Variants in BCORL1 observed in about 807,000 individuals in gnomAD.
The protein encoded by BCORL1 is BCL6 corepressor like 1.
A neutral mutation model predicts 87.6 loss-of-function variants in BCORL1; 7 were observed. That is an observed-to-expected ratio of 0.08 (90% CI 0.05 to 0.15). The LOEUF (loss-of-function observed/expected upper bound fraction) is 0.15. BCORL1 is among the 10% of genes least tolerant of loss of function. BCORL1 has a pLI of 1.00. For missense variants in BCORL1, 1,215 were observed against 1,499.7 expected (o/e 0.81, Z 3.13); for synonymous variants, 591 against 634.4 (o/e 0.93, Z 1.03).
At chrX:130,022,236 CTTTTTTTTTT>C (rs34598574) in intron 5 of BCORL1, among the ~76,000 whole-genome samples, 7 of 56,311 alleles carry the variant, frequency 1.2e-4, no homozygotes, top group Admixed American at 5.2e-4. Context: ...TTCTTTCTTT[CTTTTTTTTTT>C]TTTTTTTTTT....
Position 130,014,362 on chromosome X carries a change from C to T in BCORL1, c.1590C>T (p.Ser530=), listed in dbSNP as rs1433401860. 5 of 1,209,568 alleles carry T rather than the reference C, an allele frequency of 4.1e-6. No homozygotes were observed. Among genetic ancestry groups the T allele is most frequent in the Non-Finnish European group, 5.6e-6 (5 of 895,093 alleles). ...SLEVNRLPCT[S]PSGSTTTQPA... is the part of the protein sequence containing the mutation. The stretch of plus-strand genomic sequence containing the variant: ...AGGTGAACAGGCTCCCCTGCACTTC[C>T]CCATCCGGTAGCACCACCACCCAGC... The change falls in exon 4 of 14, where the codon TCC becomes TCT. Residue 530 remains serine, a synonymous_variant. Transcript: ENST00000540052.
chrX:130,007,868 G>A (rs921674421), intron 2 of BCORL1, among the ~76,000 whole-genome samples: 16 of 112,412 alleles, frequency 1.4e-4, no homozygotes, highest in African/African-American at 4.8e-4. Flanking sequence ...ACCATCTACT[G>A]TAAATCCCTG....
chrX:130,048,865 A>G, intron 11 of BCORL1, among the ~76,000 whole-genome samples: 1 of 112,113 alleles, frequency 8.9e-6, no homozygotes, highest in South Asian at 3.7e-4. Flanking sequence ...TTCTGTCTCT[A>G]TGGGCTTGCC....
At chrX:129,987,564 A>C (rs1171587925) in intron 1 of BCORL1, among the ~76,000 whole-genome samples, 2 of 112,000 alleles carry the variant, frequency 1.8e-5, no homozygotes, top group African/African-American at 6.5e-5. Context: ...CCTTGAAAGA[A>C]GGAAAAAGTG....
chrX:130,043,914 C>T (rs750230192), intron 11 of BCORL1, among the ~76,000 whole-genome samples: 41 of 101,277 alleles, frequency 4.0e-4, no homozygotes, highest in Middle Eastern at 5.0e-3. Flanking sequence ...GGACTACAGT[C>T]GCCCGCCACC....
rs1260035677 is a variant in BCORL1, at chrX:130,015,996, C to T, written c.3224C>T (p.Pro1075Leu). 8.3e-6 allele frequency: 10 copies of T among 1,211,698 alleles called. No homozygotes were observed. The highest frequency in any genetic ancestry group is 1.0e-5 in the Non-Finnish European group (9 of 895,506). The change falls in exon 4 of 14, where the codon CCC becomes CTC. Residue 1075 changes from proline (P) to leucine (L), a missense_variant. Physicochemically the swap from Pro to Leu is moderately conservative, Grantham distance 98 (BLOSUM62 -3). Around this residue, in one of 5 missense-constraint regions of BCORL1, gnomAD observed 861 missense variants for 1,010.0 expected, o/e 0.85. Transcript: ENST00000540052. ...CGGGCTGATGGCCTCCCAGTGGCTCCCCAGAGGGGCCAAGCTGAAGTTCGG... is the reference window on the plus strand; with the variant it reads ...CGGGCTGATGGCCTCCCAGTGGCTCTCCAGAGGGGCCAAGCTGAAGTTCGG... ...CFRADGLPVA[P>L]QRGQAEVRAK... is the part of the protein sequence containing the mutation.
intron 11 of BCORL1, among the ~76,000 whole-genome samples, chrX:130,049,435 C>G (rs1433583936): frequency 8.9e-6 from 1 of 112,365 alleles, no homozygotes; most frequent in African/African-American, 3.2e-5. Flanking sequence ...TGGCTCACTG[C>G]AACCTCTGCC....
intron 8 of BCORL1, among the ~76,000 whole-genome samples, chrX:130,029,761 G>A (rs1202550029): frequency 9.2e-6 from 1 of 108,405 alleles, no homozygotes; most frequent in Non-Finnish European, 1.9e-5. Flanking sequence ...AGCGATTCTC[G>A]TGCCTCAGCC....
rs187706103 is a variant in BCORL1, at chrX:130,005,139, G to A, written c.-44-49G>A. 2.5e-5 allele frequency: 18 copies of A among 733,535 alleles called. No homozygotes were observed. In the African/African-American group the frequency reaches 2.5e-4, roughly 10 times the overall value. 60.5% of individuals were successfully genotyped at this position (733,535 alleles called of 1,213,427 possible). On this transcript the variant is annotated intron_variant, in intron 1 of 13. Transcript: ENST00000540052. ...CATTGCTGTGTAAAAGGTGATTGAA[G>A]CAGCTGTCCCTGTTACGAGTTTTGA...
intron 1 of BCORL1, among the ~76,000 whole-genome samples, chrX:129,984,009 C>G: frequency 9.5e-6 from 1 of 105,494 alleles, no homozygotes; most frequent in African/African-American, 3.5e-5. Context: ...GCGTGAGGGA[C>G]GGACAGCAGG....
At chrX:130,027,342 C>A (rs989777296) in intron 7 of BCORL1, among the ~76,000 whole-genome samples, 4 of 112,846 alleles carry the variant, frequency 3.5e-5, no homozygotes, top group African/African-American at 1.3e-4. Flanking sequence ...AATTCCTGGA[C>A]AGGCTATGGG....
At chrX:130,016,885 TTGA>T (rs1929485761) in intron 4 of BCORL1, among the ~76,000 whole-genome samples, 2 of 111,426 alleles carry the variant, frequency 1.8e-5, no homozygotes, top group African/African-American at 6.5e-5. Context: ...CCAGGAGCAC[TTGA>T]TGAGAATCCC....
At chrX:130,030,154 G>A (rs1367323581) in intron 8 of BCORL1, among the ~76,000 whole-genome samples, 1 of 112,143 alleles carries the variant, frequency 8.9e-6, no homozygotes. Flanking sequence ...GTGCTTGGGG[G>A]AACAAAGGAA....
intron 1 of BCORL1, among the ~76,000 whole-genome samples, chrX:129,983,418 CT>C (rs376405668): frequency 0.014 from 957 of 70,605 alleles, 34 homozygotes; most frequent in African/African-American, 0.057. Flanking sequence ...CGAGAAAAGG[CT>C]TTTTTTTGGG....
chrX:130,039,278 C>T lies in BCORL1; in HGVS notation c.4836C>T (p.Leu1612=), dbSNP rs766963458. Residue 1612 remains leucine (L), a synonymous_variant, in exon 11 of 14, where the codon CTC becomes CTT. Coordinates refer to ENST00000540052, the MANE Select transcript of BCORL1 (RefSeq NM_001379451.1). ...GCAGCGACACCATGAAGCGCTTTCT[C>T]AGTGGTAAGCATGGTCCAGACTTGA... ...LASSDTMKRF[L]SDHLSDLQGR... 6.5e-5 allele frequency: 79 copies of T among 1,207,507 alleles called. 1 individual carries two copies. In the South Asian group the frequency reaches 1.4e-3, roughly 21 times the overall value.
intron 1 of BCORL1, among the ~76,000 whole-genome samples, chrX:129,989,910 C>G (rs1323270420): frequency 9.2e-6 from 1 of 109,200 alleles, no homozygotes; most frequent in Admixed American, 9.8e-5. Flanking sequence ...CTCAGCCTCT[C>G]GAGTAGCTGG....
chrX:130,004,491 C>T (rs947271498), intron 1 of BCORL1, among the ~76,000 whole-genome samples: 2 of 111,009 alleles, frequency 1.8e-5, no homozygotes, highest in Non-Finnish European at 3.8e-5. Context: ...GTGATCCACC[C>T]GCCTCGGCCT....
chrX:129,991,018 C>G (rs2124333765), intron 1 of BCORL1, among the ~76,000 whole-genome samples: 1 of 112,175 alleles, frequency 8.9e-6, no homozygotes, highest in Non-Finnish European at 1.9e-5. Context: ...TTACTGCAAC[C>G]TCCGCCTCCT....
intron 7 of BCORL1, among the ~76,000 whole-genome samples, chrX:130,026,753 A>C (rs181612218): frequency 8.9e-6 from 1 of 112,863 alleles, no homozygotes; most frequent in Admixed American, 9.3e-5. Flanking sequence ...GAACACCACC[A>C]ATCAAGGCAT....
Sources: allele counts gnomAD v4.1 joint callset (sites outside exome capture counted in the v4.1 genomes callset), GRCh38; gene constraint gnomAD v4.1.1; regional missense constraint gnomAD v4.1.1; transcripts MANE v1.5; gene names NCBI Gene and HGNC (gene_info 2026-07-23, HGNC 2026-07-21).